CAMKMT: variants seen among roughly 807,000 people sequenced by gnomAD.
CAMKMT encodes CaM KMT.
CAMKMT carries 53 observed loss-of-function variants against 48.0 expected under a neutral mutation model. The observed-to-expected ratio is 1.10, with a 90% CI of 0.89 to 1.39. The LOEUF is 1.39. Among genes scored for constraint, CAMKMT ranks in the 40% most tolerant of loss-of-function variants. CAMKMT has a pLI of 0.00. For synonymous variants in CAMKMT, 165 were observed against 152.3 expected (o/e 1.08, Z -0.61); for missense variants, 428 against 402.7 (o/e 1.06, Z -0.54).
intron 3 of CAMKMT, among the ~76,000 whole-genome samples, chr2:44,690,136 G>T (rs1676562132): frequency 6.6e-6 from 1 of 152,304 alleles, no homozygotes; most frequent in Middle Eastern, 3.4e-3. Flanking sequence ...TTTCTTGGTA[G>T]AGGTTTAAAT....
At chr2:44,584,278 T>G (rs535295041) in intron 3 of CAMKMT, among the ~76,000 whole-genome samples, 1 of 152,216 alleles carries the variant, frequency 6.6e-6, no homozygotes, top group East Asian at 1.9e-4. Context: ...CTGACAAAAA[T>G]AAACCTTAAT....
intron 6 of CAMKMT, among the ~76,000 whole-genome samples, chr2:44,709,017 T>C (rs1448809153): frequency 6.6e-6 from 1 of 152,182 alleles, no homozygotes; most frequent in Non-Finnish European, 1.5e-5. Context: ...AAAATTATTA[T>C]TGAGCTAAAC....
chr2:44,469,624 C>T (rs1668312385), intron 3 of CAMKMT, among the ~76,000 whole-genome samples: 1 of 151,812 alleles, frequency 6.6e-6, no homozygotes, highest in African/African-American at 2.4e-5. Context: ...TGTTTTCTTT[C>T]CAAATTTTTT....
chr2:44,378,159 G>A (rs1472582671), intron 2 of CAMKMT, among the ~76,000 whole-genome samples: 3 of 152,146 alleles, frequency 2.0e-5, no homozygotes, highest in Non-Finnish European at 2.9e-5. Flanking sequence ...GTAGTTTCCA[G>A]AAAACTGTGA....
At chr2:44,560,199 T>C (rs572184217) in intron 3 of CAMKMT, among the ~76,000 whole-genome samples, 15 of 152,350 alleles carry the variant, frequency 9.8e-5, no homozygotes, top group Non-Finnish European at 1.8e-4. Context: ...CCAGTTTTTC[T>C]TAGTCTTGTC....
chr2:44,758,825 C>T (rs762166729), intron 9 of CAMKMT, among the ~76,000 whole-genome samples: 2 of 152,172 alleles, frequency 1.3e-5, no homozygotes, highest in Admixed American at 6.5e-5. Flanking sequence ...GTTGAACTTT[C>T]GTCCAGAAAT....
At chr2:44,415,222 G>A (rs1361431724) in intron 3 of CAMKMT, among the ~76,000 whole-genome samples, 1 of 152,170 alleles carries the variant, frequency 6.6e-6, no homozygotes, top group Non-Finnish European at 1.5e-5. Context: ...CTTGGTGTTA[G>A]GCCTGGTATG....
intron 3 of CAMKMT, among the ~76,000 whole-genome samples, chr2:44,626,325 C>T (rs547271133): frequency 6.6e-6 from 1 of 151,874 alleles, no homozygotes; most frequent in South Asian, 2.1e-4. Context: ...ATTTCATTTT[C>T]CAATTGTTTA....
intron 3 of CAMKMT, among the ~76,000 whole-genome samples, chr2:44,632,987 A>G (rs1021577327): frequency 6.6e-6 from 1 of 152,094 alleles, no homozygotes; most frequent in Non-Finnish European, 1.5e-5. Flanking sequence ...CTTTCTATAT[A>G]TATATCTATC....
intron 3 of CAMKMT, among the ~76,000 whole-genome samples, chr2:44,503,572 AT>A (rs1174494639): frequency 2.6e-5 from 4 of 152,094 alleles, no homozygotes; most frequent in African/African-American, 9.7e-5. Context: ...TGAGATGAAA[AT>A]TTTCAAATAT....
chr2:44,729,606 C>G lies in CAMKMT; in HGVS notation c.624-14016C>G, dbSNP rs139480647. Among the ~76,000 whole-genome samples, 799 of 152,202 alleles carry G rather than the reference C, an allele frequency of 5.2e-3. 4 individuals are homozygous for G. Among genetic ancestry groups the G allele is most frequent in the African/African-American group, 0.018 (764 of 41,514 alleles). On this transcript the variant is annotated intron_variant, in intron 7 of 10. Coordinates refer to ENST00000378494, the MANE Select transcript of CAMKMT (RefSeq NM_024766.5). ...GGTCATATCATCAGGGCAGGTGAAG[C>G]AATGGGAGTGTCCACTCCCATAAGA...
At chr2:44,466,947 G>A (rs1668147249) in intron 3 of CAMKMT, among the ~76,000 whole-genome samples, 1 of 152,016 alleles carries the variant, frequency 6.6e-6, no homozygotes, top group African/African-American at 2.4e-5. Context: ...TACCAAGACT[G>A]AATCACTAAG....
chr2:44,578,276 G>A (rs574163371), intron 3 of CAMKMT, among the ~76,000 whole-genome samples: 11 of 152,266 alleles, frequency 7.2e-5, no homozygotes, highest in Admixed American at 5.9e-4. Context: ...ATTTATTAAA[G>A]AAAATACCAT....
intron 3 of CAMKMT, among the ~76,000 whole-genome samples, chr2:44,612,569 G>C (rs1046846504): frequency 1.3e-5 from 2 of 152,078 alleles, no homozygotes; most frequent in Non-Finnish European, 2.9e-5. Flanking sequence ...TACTTATTTA[G>C]TAGTTATATA....
intron 3 of CAMKMT, among the ~76,000 whole-genome samples, chr2:44,556,015 A>G (rs182667350): frequency 6.6e-6 from 1 of 152,306 alleles, no homozygotes; most frequent in Non-Finnish European, 1.5e-5. Flanking sequence ...CTAAAGGAAA[A>G]TCAAGACATG....
intron 7 of CAMKMT, among the ~76,000 whole-genome samples, chr2:44,725,143 CGT>C (rs4039394): frequency 3.1e-3 from 441 of 140,526 alleles, no homozygotes; most frequent in Middle Eastern, 7.3e-3. Context: ...GCTTTCTGGA[CGT>C]GTGTGTGTGT....
intron 7 of CAMKMT, among the ~76,000 whole-genome samples, chr2:44,728,643 G>A (rs1393157022): frequency 6.6e-6 from 1 of 152,068 alleles, no homozygotes; most frequent in Non-Finnish European, 1.5e-5. Flanking sequence ...TCGATCTTGG[G>A]AGACTGTGTG....
At chr2:44,624,633 C>T (rs1672378861) in intron 3 of CAMKMT, among the ~76,000 whole-genome samples, 1 of 152,114 alleles carries the variant, frequency 6.6e-6, no homozygotes, top group Admixed American at 6.5e-5. Context: ...CAGCTTCATC[C>T]ATGTTCCTAC....
chr2:44,502,215 C>CT (rs1670042508), intron 3 of CAMKMT, among the ~76,000 whole-genome samples: 1 of 151,714 alleles, frequency 6.6e-6, no homozygotes. Flanking sequence ...AGTTGAAACT[C>CT]TGTCTTTAAA....
Sources: allele counts gnomAD v4.1 joint callset (sites outside exome capture counted in the v4.1 genomes callset), GRCh38; gene constraint gnomAD v4.1.1; transcripts MANE v1.5; gene names NCBI Gene and HGNC (gene_info 2026-07-23, HGNC 2026-07-21).